The following GPC6 variants were observed in gnomAD, a reference collection of about 807,000 sequenced individuals.
The protein encoded by GPC6 is glypican 6.
In GPC6, 14 loss-of-function variants were observed where a neutral mutation model predicts 55.2. That is an observed-to-expected ratio of 0.25 (90% CI 0.17 to 0.40). The LOEUF is 0.40. Ranked by LOEUF, GPC6 falls within the 10% of genes least tolerant of loss-of-function variation. The pLI is 1.00. For missense variants in GPC6, 641 were observed against 708.5 expected (o/e 0.90, Z 1.08); for synonymous variants, 278 against 259.6 (o/e 1.07, Z -0.68).
rs147262841 is a variant in GPC6, at chr13:94,222,169, C to T, written c.878-64180C>T. Among the ~76,000 whole-genome samples the T allele has an allele frequency of 5.8e-3, 888 of 152,136 alleles. 6 individuals carry two copies. Among genetic ancestry groups the T allele is most frequent in the African/African-American group, 0.021 (856 of 41,548 alleles). On this transcript the variant is annotated intron_variant, in intron 4 of 8. Transcript: ENST00000377047. ...GAAAGGCTTGGAGACTTGTCATGGT[C>T]AGTGTAAGCCTGAGCCTCATTCATG...
chr13:93,684,073 C>A lies in GPC6; in HGVS notation c.319+138652C>A, dbSNP rs188458792. ...TAATGCTATACTCCTAACACCGTCACACAGGGGCATAGGATTTAATATATG... is the reference window on the plus strand; with the variant it reads ...TAATGCTATACTCCTAACACCGTCAAACAGGGGCATAGGATTTAATATATG... On this transcript the variant is annotated intron_variant, in intron 2 of 8. Coordinates refer to ENST00000377047, the MANE Select transcript of GPC6 (RefSeq NM_005708.5). 1.7e-3 allele frequency among the ~76,000 whole-genome samples: 265 copies of A among 152,264 alleles called. No homozygotes were observed. In the East Asian group the frequency reaches 0.031, roughly 18 times the overall value.
intron 6 of GPC6, among the ~76,000 whole-genome samples, chr13:94,307,972 G>A (rs75261321): frequency 6.6e-6 from 1 of 152,068 alleles, no homozygotes; most frequent in Non-Finnish European, 1.5e-5. Context: ...CATTGTGCCT[G>A]CAGCTAACAA....
At chr13:94,206,464 G>GT (rs1258330290) in intron 4 of GPC6, among the ~76,000 whole-genome samples, 21 of 151,840 alleles carry the variant, frequency 1.4e-4, no homozygotes, top group Middle Eastern at 3.4e-3. Flanking sequence ...TTATGGAGGG[G>GT]TTTTTTTTGG....
intron 4 of GPC6, among the ~76,000 whole-genome samples, chr13:94,110,617 G>A (rs1490459136): frequency 6.6e-6 from 1 of 152,034 alleles, no homozygotes; most frequent in African/African-American, 2.4e-5. Context: ...TTAGGTGAGT[G>A]ATCAAATGTA....
intron 4 of GPC6, among the ~76,000 whole-genome samples, chr13:94,131,050 T>C (rs1189790999): frequency 6.6e-6 from 1 of 152,130 alleles, no homozygotes; most frequent in African/African-American, 2.4e-5. Flanking sequence ...ATAAATATTA[T>C]GAGGAAAGAA....
intron 4 of GPC6, among the ~76,000 whole-genome samples, chr13:94,247,496 G>T (rs963846325): frequency 1.3e-5 from 2 of 152,070 alleles, no homozygotes; most frequent in Non-Finnish European, 2.9e-5. Flanking sequence ...TGCATAAATG[G>T]GTCTTTATAA....
intron 1 of GPC6, among the ~76,000 whole-genome samples, chr13:93,383,093 A>ATCTG (rs1875247641): frequency 6.6e-6 from 1 of 152,258 alleles, no homozygotes; most frequent in Non-Finnish European, 1.5e-5. Flanking sequence ...AAATGGTGAT[A>ATCTG]TCTGCCCTAA....
At chr13:93,947,019 C>A (rs1170643696) in intron 3 of GPC6, among the ~76,000 whole-genome samples, 1 of 152,180 alleles carries the variant, frequency 6.6e-6, no homozygotes, top group Non-Finnish European at 1.5e-5. Context: ...ACTTTCAAAA[C>A]TCAGCTTTTT....
rs1887444633 is a variant in GPC6 at position 93,830,528 on chromosome 13, G to A, written c.694G>A (p.Ala232Thr). ...GGGGCTGACTGTGGGCAGAGAAGTT[G>A]CAAACCGAGTTTCCAAGGTAATTGA... ...VQGLTVGREV[A>T]NRVSKVSPTP... Residue 232 changes from alanine to threonine, a missense_variant, in exon 3 of 9, where the codon GCA becomes ACA. Ala to Thr is a moderately conservative substitution (Grantham distance 58, BLOSUM62 0). Coordinates refer to ENST00000377047, the MANE Select transcript of GPC6 (RefSeq NM_005708.5). The A allele has an allele frequency of 1.9e-6, 3 of 1,601,258 alleles. No individual in the cohort carries two copies. The highest frequency in any genetic ancestry group is 1.7e-6 in the Non-Finnish European group (2 of 1,174,224).
At chr13:93,689,181 C>A (rs1882161689) in intron 2 of GPC6, among the ~76,000 whole-genome samples, 1 of 151,946 alleles carries the variant, frequency 6.6e-6, no homozygotes, top group African/African-American at 2.4e-5. Context: ...TATTTAATAG[C>A]ACAAATGGCG....
At chr13:93,883,283 G>A (rs1304605380) in intron 3 of GPC6, among the ~76,000 whole-genome samples, 1 of 151,306 alleles carries the variant, frequency 6.6e-6, no homozygotes, top group Non-Finnish European at 1.5e-5. Flanking sequence ...TGGATCAAAG[G>A]GTATCCAAGT....
Position 93,666,766 on chromosome 13 carries a change from T to G in GPC6, c.319+121345T>G, listed in dbSNP as rs1172927871. 2.6e-5 allele frequency among the ~76,000 whole-genome samples: 4 copies of G among 152,314 alleles called. 1 individual carries two copies. The highest frequency in any genetic ancestry group is 9.6e-5 in the African/African-American group (4 of 41,576). On this transcript the variant is annotated intron_variant, in intron 2 of 8. Coordinates refer to ENST00000377047, the MANE Select transcript of GPC6 (RefSeq NM_005708.5). ...TTAGATCAGCATTGTGTTAAAAGGA[T>G]GTACGCCATCAACAATAGACATATG... is the stretch of plus-strand genomic sequence containing the variant.
At chr13:93,972,299 A>G (rs528406379) in intron 3 of GPC6, among the ~76,000 whole-genome samples, 54 of 152,340 alleles carry the variant, frequency 3.5e-4, no homozygotes, top group Non-Finnish European at 3.8e-4. Context: ...AGTGACTGAC[A>G]TTGAGCAATC....
chr13:94,100,428 A>G (rs1367721378), intron 4 of GPC6, among the ~76,000 whole-genome samples: 1 of 152,228 alleles, frequency 6.6e-6, no homozygotes, highest in African/African-American at 2.4e-5. Flanking sequence ...TATAATGTCC[A>G]GAAATATAAA....
intron 3 of GPC6, among the ~76,000 whole-genome samples, chr13:93,893,829 C>T (rs1875835323): frequency 6.6e-6 from 1 of 152,122 alleles, no homozygotes; most frequent in South Asian, 2.1e-4. Context: ...TTTCATCTTT[C>T]AATTTTAGCA....
At chr13:93,366,857 G>T (rs545849126) in intron 1 of GPC6, among the ~76,000 whole-genome samples, 2 of 151,964 alleles carry the variant, frequency 1.3e-5, no homozygotes. Context: ...AATAAAATCA[G>T]GTAAGTCAAG....
chr13:93,272,492 G>GTGTA lies in GPC6; in HGVS notation c.160+44877_160+44878insGTAT, dbSNP rs1429769672. Among the ~76,000 whole-genome samples the GTGTA allele has an allele frequency of 1.9e-4, 26 of 137,182 alleles. No individual in the cohort carries two copies. In the South Asian group the frequency reaches 2.1e-3, roughly 11 times the overall value. The allele number at this position is 137,182 out of a possible 152,430, so 90.0% of individuals were successfully genotyped here. Reference sequence around the variant, plus strand: ...GAATGAGGTGATTCATTGTCTGTGTGTATATATATATATATATATATATAT... The same window carrying GTGTA: ...GAATGAGGTGATTCATTGTCTGTGTGTGTATATATATATATATATATATATATAT... On this transcript the variant is annotated intron_variant, in intron 1 of 8. Coordinates refer to ENST00000377047, the MANE Select transcript of GPC6 (RefSeq NM_005708.5).
At chr13:93,594,424 C>A (rs1877636501) in intron 2 of GPC6, among the ~76,000 whole-genome samples, 1 of 151,958 alleles carries the variant, frequency 6.6e-6, no homozygotes, top group African/African-American at 2.4e-5. Flanking sequence ...CCATTTTATA[C>A]TTTTTGATGT....
intron 4 of GPC6, among the ~76,000 whole-genome samples, chr13:94,148,121 G>A (rs1373700570): frequency 6.6e-6 from 1 of 152,166 alleles, no homozygotes; most frequent in East Asian, 1.9e-4. Flanking sequence ...CCTTACCCAT[G>A]TGTCCAACCA....
Sources: allele counts gnomAD v4.1 joint callset (sites outside exome capture counted in the v4.1 genomes callset), GRCh38; gene constraint gnomAD v4.1.1; transcripts MANE v1.5; gene names NCBI Gene and HGNC (gene_info 2026-07-23, HGNC 2026-07-21).